DEPTOR: variants seen among roughly 807,000 people sequenced by gnomAD.
DEPTOR encodes DEP domain containing MTOR interacting protein, also known as DEP domain-containing mTOR-interacting protein.
A neutral mutation model predicts 41.6 loss-of-function variants in DEPTOR; 41 were observed. The ratio of observed to expected loss-of-function variants is 0.98; its 90% CI spans 0.77 to 1.28. The LOEUF (loss-of-function observed/expected upper bound fraction) is 1.28. Ranked by LOEUF, DEPTOR falls within the 50% of genes most tolerant of loss-of-function variation. The probability of loss-of-function intolerance (pLI) is 0.00; values close to 1 mark genes in which losing one functional copy is unlikely to be tolerated. For synonymous variants in DEPTOR, 195 were observed against 192.3 expected, an observed-to-expected ratio of 1.01 and a Z score of -0.12; for missense variants, 514 against 527.9, an observed-to-expected ratio of 0.97 and a Z score of 0.26.
chr8:119,887,414 CT>C (rs1469023778), intron 1 of DEPTOR, among the ~76,000 whole-genome samples: 3 of 1,874 alleles, frequency 1.6e-3, no homozygotes, highest in Non-Finnish European at 2.3e-3. Context: ...TCCCCATCCC[CT>C]CCCCCCCTCC....
chr8:119,902,015 C>T (rs891383439), intron 1 of DEPTOR, among the ~76,000 whole-genome samples: 2 of 151,912 alleles, frequency 1.3e-5, no homozygotes, highest in Admixed American at 1.3e-4. Context: ...CTAACATTTA[C>T]ACAGCATCTT....
At chr8:119,971,230 CAAAAAAAA>C (rs36009381) in intron 4 of DEPTOR, among the ~76,000 whole-genome samples, 2 of 109,554 alleles carry the variant, frequency 1.8e-5, no homozygotes, top group Non-Finnish European at 3.8e-5. Context: ...GACTCCGTCT[CAAAAAAAA>C]AAAAAAAAAA....
At chr8:119,922,150 A>T (rs1049964827) in intron 1 of DEPTOR, among the ~76,000 whole-genome samples, 10 of 151,656 alleles carry the variant, frequency 6.6e-5, no homozygotes, top group Non-Finnish European at 1.5e-4. Flanking sequence ...GAAGCAGGAG[A>T]ATTGCTTGAA....
intron 1 of DEPTOR, among the ~76,000 whole-genome samples, chr8:119,878,462 G>C (rs1180549115): frequency 2.0e-5 from 3 of 151,958 alleles, no homozygotes; most frequent in African/African-American, 7.3e-5. Context: ...TGGGATTACA[G>C]GTGCGTGCCA....
At chr8:119,911,229 G>C (rs886520236) in intron 1 of DEPTOR, among the ~76,000 whole-genome samples, 1 of 151,810 alleles carries the variant, frequency 6.6e-6, no homozygotes, top group African/African-American at 2.4e-5. Flanking sequence ...ACCAGCCTGA[G>C]CTACACCTAT....
At chr8:120,032,549 C>T (rs7845888) in intron 8 of DEPTOR, among the ~76,000 whole-genome samples, 20,078 of 152,038 alleles carry the variant, frequency 0.13, 1,878 homozygotes, top group African/African-American at 0.25. Context: ...TGAAGGTTCC[C>T]GAGTGGGACC....
intron 3 of DEPTOR, among the ~76,000 whole-genome samples, chr8:119,964,166 C>A (rs72673652): frequency 2.6e-3 from 389 of 152,220 alleles, no homozygotes; most frequent in South Asian, 0.011. Context: ...TAACTACCTC[C>A]CAAATGTGCC....
At chr8:119,964,515 C>CAAAAAAAAA (rs536731714) in intron 3 of DEPTOR, among the ~76,000 whole-genome samples, 11 of 121,692 alleles carry the variant, frequency 9.0e-5, no homozygotes, top group African/African-American at 2.6e-4. Context: ...AAGCCCGTCT[C>CAAAAAAAAA]AAAAAAAAAA....
chr8:120,040,742 G>C lies in DEPTOR; in HGVS notation c.1102-8834G>C, dbSNP rs918604857. 2.6e-5 allele frequency among the ~76,000 whole-genome samples: 4 copies of C among 152,186 alleles called. No individual in the cohort carries two copies. The East Asian group carries it at 7.7e-4, about 29-fold the overall frequency. Reference sequence around the variant, plus strand: ...CTCATTAAGTGGTGCATTTCCTAACGTAAGTATTCTAGAGAGATGGGCTGG... The same window carrying C: ...CTCATTAAGTGGTGCATTTCCTAACCTAAGTATTCTAGAGAGATGGGCTGG... On this transcript the variant is annotated intron_variant, in intron 8 of 8. Coordinates refer to ENST00000286234, the MANE Select transcript of DEPTOR (RefSeq NM_022783.4).
chr8:119,994,522 TG>T (rs1207216071), intron 4 of DEPTOR, among the ~76,000 whole-genome samples: 4 of 152,212 alleles, frequency 2.6e-5, no homozygotes, highest in Non-Finnish European at 1.5e-5. Context: ...TATCTTCCAG[TG>T]GTGCACTCAC....
intron 1 of DEPTOR, among the ~76,000 whole-genome samples, chr8:119,884,874 C>T (rs185757449): frequency 2.6e-5 from 4 of 152,102 alleles, no homozygotes; most frequent in Admixed American, 1.3e-4. Flanking sequence ...TTCTAAGGTT[C>T]AAGCAATTCT....
At chr8:119,962,646 G>A (rs1388503485) in intron 3 of DEPTOR, among the ~76,000 whole-genome samples, 1 of 152,188 alleles carries the variant, frequency 6.6e-6, no homozygotes, top group African/African-American at 2.4e-5. Context: ...ACAGGGGAAG[G>A]ACATTATCAG....
chr8:120,030,103 C>T (rs943008029), intron 8 of DEPTOR, among the ~76,000 whole-genome samples: 1 of 152,090 alleles, frequency 6.6e-6, no homozygotes, highest in Non-Finnish European at 1.5e-5. Context: ...CAAACCATAT[C>T]CTCGTAAGCC....
At chr8:119,955,895 G>A (rs181990107) in intron 3 of DEPTOR, among the ~76,000 whole-genome samples, 289 of 152,250 alleles carry the variant, frequency 1.9e-3, no homozygotes, top group African/African-American at 6.7e-3. Flanking sequence ...GGGAGGGTGC[G>A]GGAGAAGAGA....
intron 1 of DEPTOR, among the ~76,000 whole-genome samples, chr8:119,883,044 G>A (rs1365099957): frequency 6.6e-6 from 1 of 152,122 alleles, no homozygotes; most frequent in African/African-American, 2.4e-5. Flanking sequence ...ATGCTTGCAA[G>A]GTGGTACCTT....
intron 3 of DEPTOR, among the ~76,000 whole-genome samples, chr8:119,944,741 G>T (rs777550188): frequency 1.4e-5 from 2 of 147,692 alleles, no homozygotes; most frequent in Non-Finnish European, 3.0e-5. Flanking sequence ...TGCAACCTCC[G>T]CCTCCTGGGT....
chr8:119,965,205 T>C, intron 3 of DEPTOR, 27 bp from the exon 4 acceptor site: 1 of 1,598,232 alleles, frequency 6.3e-7, no homozygotes, highest in Non-Finnish European at 8.5e-7. Context: ...ATAGGTTTAC[T>C]TTTCTTTTCC....
intron 3 of DEPTOR, among the ~76,000 whole-genome samples, chr8:119,952,062 G>A (rs1459705007): frequency 6.6e-6 from 1 of 152,108 alleles, no homozygotes; most frequent in Non-Finnish European, 1.5e-5. Flanking sequence ...TTGAACCCAG[G>A]AGGTAGAGGT....
intron 4 of DEPTOR, among the ~76,000 whole-genome samples, chr8:120,000,426 A>C (rs1208156990): frequency 1.3e-5 from 2 of 152,052 alleles, no homozygotes; most frequent in African/African-American, 4.8e-5. Flanking sequence ...TTTTCTTTGC[A>C]ACTCTCTGTA....
Sources: gnomAD v4.1 joint callset for allele counts (sites outside exome capture counted in the v4.1 genomes callset) on GRCh38, gnomAD v4.1.1 for gene constraint, MANE v1.5 for transcripts, NCBI Gene and HGNC (gene_info 2026-07-23, HGNC 2026-07-21) for gene names.